Variants in RPGR observed in about 807,000 individuals in gnomAD.
RPGR encodes the protein X-linked retinitis pigmentosa GTPase regulator.
Under a neutral mutation model 56.3 loss-of-function variants are expected in RPGR, and 10 were observed. That is an observed-to-expected ratio of 0.18 (90% CI 0.11 to 0.30). The LOEUF (loss-of-function observed/expected upper bound fraction) is 0.30. Ranked by LOEUF, RPGR falls within the 10% of genes least tolerant of loss-of-function variation. The pLI is 1.00. For missense variants in RPGR, 538 were observed against 590.9 expected (o/e 0.91, Z 0.93); for synonymous variants, 197 against 212.9 (o/e 0.93, Z 0.65).
intron 7 of RPGR, among the ~76,000 whole-genome samples, chrX:38,309,881 T>C (rs1254485128): frequency 8.9e-6 from 1 of 112,365 alleles, no homozygotes; most frequent in Non-Finnish European, 1.9e-5. Flanking sequence ...CAGAAACAAT[T>C]CAACAAGATT....
At chrX:38,288,752 A>G (rs2067236659) in intron 13 of RPGR, among the ~76,000 whole-genome samples, 1 of 111,424 alleles carries the variant, frequency 9.0e-6, no homozygotes, top group African/African-American at 3.3e-5. Flanking sequence ...AGCTTAGTAT[A>G]TTTTTCCCAC....
rs1436039273 is a variant in RPGR, at chrX:38,298,281, A to C, written c.1245+675T>G. ...TGAGACTCTGTCTCAAAAAAAAAAA[A>C]AACACATATATATATATGTCATTGG... is the stretch of plus-strand genomic sequence containing the variant. On this transcript the variant is annotated intron_variant, in intron 10 of 18. Transcript: ENST00000642395. The C allele has an allele frequency of 5.1e-5, 13 of 254,673 alleles. No individual in the cohort carries two copies. The East Asian group carries it at 5.2e-4, about 10-fold the overall frequency. 21.0% of individuals were successfully genotyped at this position (254,673 alleles called of 1,213,427 possible). A position where few individuals can be genotyped will look rare whatever the true frequency, so the allele number is the denominator to read the frequency against.
intron 1 of RPGR, among the ~76,000 whole-genome samples, chrX:38,326,174 C>T (rs111531032): frequency 0.017 from 1,948 of 111,591 alleles, 39 homozygotes; most frequent in African/African-American, 0.06. Flanking sequence ...ATACCCTCAT[C>T]CCAAGCCAAG....
chrX:38,284,663 T>A (rs191558770), intron 15 of RPGR: 2 of 720,309 alleles, frequency 2.8e-6, no homozygotes, highest in East Asian at 3.1e-4. Flanking sequence ...TTTTAAAGTG[T>A]AATTTTTCTC....
intron 15 of RPGR, among the ~76,000 whole-genome samples, chrX:38,277,527 T>TA (rs2066957466): frequency 9.0e-6 from 1 of 111,303 alleles, no homozygotes; most frequent in Non-Finnish European, 1.9e-5. Context: ...GTCATTAAGA[T>TA]ATTAGGTTTC....
intron 17 of RPGR, chrX:38,273,840 T>G (rs1018095782): frequency 7.1e-6 from 1 of 140,115 alleles, no homozygotes; most frequent in Non-Finnish European, 1.4e-5. Context: ...TTCAAATTAA[T>G]CCACATGTTC....
At chrX:38,323,825 C>T (rs1156727272) in intron 1 of RPGR, among the ~76,000 whole-genome samples, 2 of 112,231 alleles carry the variant, frequency 1.8e-5, no homozygotes, top group Non-Finnish European at 3.8e-5. Flanking sequence ...CTGCTGTCAC[C>T]AAGTAGATGT....
intron 15 of RPGR, among the ~76,000 whole-genome samples, chrX:38,280,611 C>A (rs989872569): frequency 6.2e-5 from 7 of 112,025 alleles, no homozygotes; most frequent in Non-Finnish European, 1.3e-4. Flanking sequence ...CAGCTTACTA[C>A]AGCCTTGACC....
In RPGR at chrX:38,287,078, C is replaced by G. The variant is rs371422457; in HGVS notation, c.1905+16G>C. ...TCCTCTGCTTCTCCCACTGATTTTG[C>G]CTTGCCTTCACTCACCTCTGCTTTG... On this transcript the variant is annotated intron_variant, in intron 15 of 18. Coordinates refer to ENST00000642395, the MANE Select transcript of RPGR (RefSeq NM_000328.3). 4 of 1,211,036 alleles carry G rather than the reference C, an allele frequency of 3.3e-6. No individual in the cohort carries two copies. Among genetic ancestry groups the G allele is most frequent in the Admixed American group, 2.2e-5 (1 of 45,932 alleles).
Position 38,269,649 on chromosome X carries a change from ATCT to A in RPGR, c.2422_2424del (p.Arg808del), listed in dbSNP as rs2066795846. 3.3e-6 allele frequency: 4 copies of A among 1,201,811 alleles called. No individual in the cohort carries two copies. Among genetic ancestry groups the A allele is most frequent in the African/African-American group, 1.7e-5 (1 of 57,536 alleles). ...ATTTATAGTATTGTACAGGATTTTG[ATCT>A]TCTCTCTGTATTTGTTGGTGGGATA... On this transcript the variant is annotated inframe_deletion, in exon 19 of 19. Coordinates refer to ENST00000642395, the MANE Select transcript of RPGR (RefSeq NM_000328.3).
At chrX:38,298,284 C>T (rs201621838) in intron 10 of RPGR, 1 of 211,242 alleles carries the variant, frequency 4.7e-6, no homozygotes, top group Admixed American at 6.7e-5. Context: ...AAAAAAAAAA[C>T]ACATATATAT....
chrX:38,294,859 TCCACTGCAA>T (rs1488928030), intron 11 of RPGR, among the ~76,000 whole-genome samples: 1 of 111,900 alleles, frequency 8.9e-6, no homozygotes, highest in Non-Finnish European at 1.9e-5. Flanking sequence ...TTTCTCCATC[TCCACTGCAA>T]ACACCTTGGT....
In RPGR at chrX:38,326,156, C is replaced by A. The variant is rs142629566; in HGVS notation, c.28+1184G>T. ...AACTGTTTTGTCTTGGCTCCCCTGG[C>A]TTCCCTGATACCCTCATCCCAAGCC... On this transcript the variant is annotated intron_variant, in intron 1 of 18. Coordinates refer to ENST00000642395, the MANE Select transcript of RPGR (RefSeq NM_000328.3). Among the ~76,000 whole-genome samples the A allele has an allele frequency of 4.8e-4, 54 of 111,490 alleles. 1 individual carries two copies. In the East Asian group the frequency reaches 0.013, roughly 26 times the overall value.
chrX:38,285,999 CT>C (rs1569235663), intron 15 of RPGR: 1 of 1,015,577 alleles, frequency 9.8e-7, no homozygotes, highest in Admixed American at 3.1e-5. Flanking sequence ...CTCCTTCTTC[CT>C]CCCCTTCTTC....
intron 15 of RPGR, chrX:38,284,631 A>G (rs1489325589): frequency 1.4e-6 from 1 of 730,370 alleles, no homozygotes; most frequent in Non-Finnish European, 1.6e-6. Context: ...AAAGAAAACA[A>G]CTGTATAGAA....
intron 8 of RPGR, chrX:38,303,680 GGGCAGGTCATCT>G (rs1347057022): frequency 3.4e-6 from 1 of 292,541 alleles, no homozygotes; most frequent in Non-Finnish European, 5.9e-6. Context: ...ACTTGATCAT[GGGCAGGTCATCT>G]TCTCTGAAAG....
rs751512713 is a variant in RPGR, at chrX:38,318,831, G to C, written c.467C>G (p.Thr156Ser). 1.7e-6 allele frequency: 2 copies of C among 1,211,662 alleles called. No homozygotes were observed. The highest frequency in any genetic ancestry group is 2.2e-6 in the Non-Finnish European group (2 of 895,259). The change falls in exon 5 of 19, where the codon ACT becomes AGT. Residue 156 changes from threonine to serine, a missense_variant and splice_region_variant. Transcript: ENST00000642395. ...ACTGAAAAAGAAACAAGTCTCACCA[G>C]TTAGGGCAGCTGAAGTATTAGATCC...
chrX:38,285,429 C>T, intron 15 of RPGR: 3 of 1,137,752 alleles, frequency 2.6e-6, no homozygotes, highest in Admixed American at 2.9e-5. Flanking sequence ...TTTTTTACTA[C>T]ACATAAAATA....
chrX:38,296,687 GTAT>G (rs2147225817), intron 11 of RPGR, among the ~76,000 whole-genome samples: 1 of 111,792 alleles, frequency 8.9e-6, no homozygotes, highest in South Asian at 3.7e-4. Flanking sequence ...TCTGAAGTCA[GTAT>G]TATTAAATAA....
Sources: gnomAD v4.1 joint callset for allele counts (sites outside exome capture counted in the v4.1 genomes callset) on GRCh38, gnomAD v4.1.1 for gene constraint, MANE v1.5 for transcripts, NCBI Gene and HGNC (gene_info 2026-07-23, HGNC 2026-07-21) for gene names.